Variants in CDH13 observed in about 807,000 individuals in gnomAD.
The protein encoded by CDH13 is cadherin 13.
In CDH13, 24 loss-of-function variants were observed where a neutral mutation model predicts 63.8. That is an observed-to-expected ratio of 0.38 (90% CI 0.27 to 0.53). The LOEUF (loss-of-function observed/expected upper bound fraction) is 0.53. Ranked by LOEUF, CDH13 falls within the 20% of genes least tolerant of loss-of-function variation. The pLI is 0.85. For missense variants in CDH13, 1,049 were observed against 903.1 expected (o/e 1.16, Z -2.07); for synonymous variants, 503 against 355.3 (o/e 1.42, Z -4.67).
intron 2 of CDH13, among the ~76,000 whole-genome samples, chr16:82,952,217 A>G (rs142589076): frequency 6.6e-6 from 1 of 152,200 alleles, no homozygotes; most frequent in Admixed American, 6.5e-5. Flanking sequence ...CGAGAAGCGC[A>G]TGGGCCTGAG....
intron 7 of CDH13, among the ~76,000 whole-genome samples, chr16:83,577,448 A>AATGGTCT (rs1433816525): frequency 6.6e-6 from 1 of 152,156 alleles, no homozygotes; most frequent in African/African-American, 2.4e-5. Context: ...CTGAGATATA[A>AATGGTCT]ATGCTCAGAC....
chr16:82,819,270 G>T (rs147268666), intron 1 of CDH13, among the ~76,000 whole-genome samples: 1 of 152,130 alleles, frequency 6.6e-6, no homozygotes, highest in Non-Finnish European at 1.5e-5. Flanking sequence ...AAGCATGAAG[G>T]CATATTTCAA....
intron 6 of CDH13, among the ~76,000 whole-genome samples, chr16:83,422,350 G>A (rs556450857): frequency 4.7e-4 from 71 of 152,260 alleles, no homozygotes; most frequent in Non-Finnish European, 5.1e-4. Context: ...TTCCTATGAT[G>A]TTTAGGAGAC....
At chr16:83,420,366 G>C (rs1225424249) in intron 6 of CDH13, among the ~76,000 whole-genome samples, 2 of 152,204 alleles carry the variant, frequency 1.3e-5, no homozygotes, top group Non-Finnish European at 2.9e-5. Context: ...GCAGCGTTCA[G>C]ACACAGAGAT....
intron 1 of CDH13, among the ~76,000 whole-genome samples, chr16:82,786,099 A>G (rs1567532235): frequency 1.3e-5 from 2 of 152,192 alleles, no homozygotes; most frequent in Non-Finnish European, 2.9e-5. Context: ...AGGGTGAGCA[A>G]GTGATCAGAA....
At chr16:83,552,136 C>A (rs1373074809) in intron 7 of CDH13, among the ~76,000 whole-genome samples, 2 of 152,202 alleles carry the variant, frequency 1.3e-5, no homozygotes, top group African/African-American at 2.4e-5. Flanking sequence ...AGGCTGAGTG[C>A]CCTTTGTCCT....
intron 4 of CDH13, among the ~76,000 whole-genome samples, chr16:83,192,884 C>G (rs983585604): frequency 1.3e-5 from 2 of 152,158 alleles, no homozygotes; most frequent in African/African-American, 4.8e-5. Flanking sequence ...GTCTGATTTT[C>G]TTTGCAGAGT....
At chr16:83,731,995 T>G (rs1911085326) in intron 10 of CDH13, among the ~76,000 whole-genome samples, 1 of 152,256 alleles carries the variant, frequency 6.6e-6, no homozygotes, top group Non-Finnish European at 1.5e-5. Flanking sequence ...AGGCTAGCTA[T>G]TCTTCATACA....
intron 2 of CDH13, among the ~76,000 whole-genome samples, chr16:82,955,172 C>G (rs1006521425): frequency 6.6e-6 from 1 of 152,164 alleles, no homozygotes; most frequent in South Asian, 2.1e-4. Context: ...TATTTTTAAC[C>G]TTTTGAGGAA....
At chr16:83,147,087 TAAAA>T (rs1205087543) in intron 4 of CDH13, among the ~76,000 whole-genome samples, 1 of 150,806 alleles carries the variant, frequency 6.6e-6, no homozygotes, top group African/African-American at 2.4e-5. Flanking sequence ...GACTCCATCT[TAAAA>T]AAAAAGCCCA....
At chr16:82,804,301 A>T (rs2037033521) in intron 1 of CDH13, among the ~76,000 whole-genome samples, 2 of 148,364 alleles carry the variant, frequency 1.3e-5, no homozygotes, top group African/African-American at 5.1e-5. Context: ...ACACACACAC[A>T]CACACACACA....
intron 6 of CDH13, among the ~76,000 whole-genome samples, chr16:83,352,667 G>T (rs2090978258): frequency 6.6e-6 from 1 of 152,176 alleles, no homozygotes; most frequent in Non-Finnish European, 1.5e-5. Context: ...GAGGCAGGTG[G>T]ATCACGAGGT....
In CDH13 at chr16:83,653,315, C is replaced by T. The variant is rs545088082; in HGVS notation, c.1102-17475C>T. Among the ~76,000 whole-genome samples the T allele has an allele frequency of 3.9e-5, 6 of 152,174 alleles. No individual in the cohort carries two copies. The South Asian group carries it at 6.2e-4, about 16-fold the overall frequency. ...GAATTTTTTGGTATGTGAATCATAG[C>T]GCAATAAAACTGTTAGCAAAGAAAA... On this transcript the variant is annotated intron_variant, in intron 8 of 13. Transcript: ENST00000567109.
intron 5 of CDH13, among the ~76,000 whole-genome samples, chr16:83,315,719 C>G (rs923917704): frequency 1.8e-4 from 27 of 151,098 alleles, no homozygotes; most frequent in Non-Finnish European, 2.7e-4. Context: ...TTCTAGTCAT[C>G]GGGATCTTGC....
chr16:83,698,852 T>C (rs934292149), intron 10 of CDH13, among the ~76,000 whole-genome samples: 1 of 152,224 alleles, frequency 6.6e-6, no homozygotes, highest in African/African-American at 2.4e-5. Flanking sequence ...AACTCGACCA[T>C]CGTAATCCAA....
intron 8 of CDH13, among the ~76,000 whole-genome samples, chr16:83,608,029 TATTA>T (rs1908508584): frequency 6.6e-6 from 1 of 152,204 alleles, no homozygotes; most frequent in Admixed American, 6.5e-5. Flanking sequence ...ATAAACTCGC[TATTA>T]ATTAAAGAAT....
chr16:83,329,888 T>C (rs535255911), intron 5 of CDH13, among the ~76,000 whole-genome samples: 2 of 152,342 alleles, frequency 1.3e-5, no homozygotes, highest in Middle Eastern at 6.8e-3. Context: ...AGTGTTTGTA[T>C]TGAATGAATA....
At chr16:82,832,149 A>G (rs184958201) in intron 1 of CDH13, among the ~76,000 whole-genome samples, 21 of 152,352 alleles carry the variant, frequency 1.4e-4, no homozygotes, top group African/African-American at 4.6e-4. Context: ...TTGACCCTAA[A>G]TGCATTAAGA....
chr16:83,501,453 C>T (rs2074281542), intron 7 of CDH13, among the ~76,000 whole-genome samples: 1 of 372 alleles, frequency 2.7e-3, no homozygotes, highest in Non-Finnish European at 0.013. Context: ...AAGCAAGAGT[C>T]AAGAGATTCT....
Sources: allele counts gnomAD v4.1 joint callset (sites outside exome capture counted in the v4.1 genomes callset), GRCh38; gene constraint gnomAD v4.1.1; transcripts MANE v1.5; gene names NCBI Gene and HGNC (gene_info 2026-07-23, HGNC 2026-07-21).